The following CIP2A variants were observed in gnomAD, a reference collection of about 807,000 sequenced individuals.
CIP2A encodes protein CIP2A.
Under a neutral mutation model 110.9 loss-of-function variants are expected in CIP2A, and 103 were observed. That is an observed-to-expected ratio of 0.93 (90% CI 0.79 to 1.09). The LOEUF is 1.09. CIP2A is among the 50% of genes least tolerant of loss of function. CIP2A has a pLI of 0.00. For missense variants in CIP2A, 1,088 were observed against 1,038.4 expected (o/e 1.05, Z -0.66); for synonymous variants, 381 against 361.6 (o/e 1.05, Z -0.61).
At chr3:108,575,559 T>C (rs7614842) in intron 8 of CIP2A, among the ~76,000 whole-genome samples, 13,062 of 84,960 alleles carry the variant, frequency 0.15, 2,214 homozygotes, top group African/African-American at 0.2. Context: ...TGTGTATATA[T>C]ACGTGTATAT....
chr3:108,557,369 C>T lies in CIP2A; in HGVS notation c.2059G>A (p.Glu687Lys). Residue 687 changes from glutamate to lysine, a missense_variant, in exon 17 of 21, where the codon GAA (glutamate) becomes AAA (lysine). Glu to Lys is a moderately conservative substitution (Grantham distance 56). Coordinates refer to ENST00000295746, the MANE Select transcript of CIP2A (RefSeq NM_020890.3). ...SMLREVERKN[E>K]ELSVLLKAQQ... ...GCCTTCAGCAACACACTAAGCTCTT[C>T]ATTTTTTCTCTCAACTTCTCTCAAC... 6.2e-7 allele frequency: 1 copy of T among 1,608,534 alleles called. No individual in the cohort carries two copies.
At chr3:108,560,910 A>T in intron 13 of CIP2A, 69 bp from the exon 14 acceptor site, 2 of 1,070,628 alleles carry the variant, frequency 1.9e-6, no homozygotes, top group Admixed American at 2.8e-5. Context: ...CTTAGTGCAG[A>T]ATTAGGGAAT....
Position 108,553,638 on chromosome 3 carries a change from A to C in CIP2A, c.2407+10T>G. 1 of 1,552,948 alleles carries C rather than the reference A, an allele frequency of 6.4e-7. No individual in the cohort carries two copies. The highest frequency in any genetic ancestry group is 8.8e-7 in the Non-Finnish European group (1 of 1,134,214). ...AAAATAGAAAATGTATTAAATAAGA[A>C]GCCACTTACTTGCTAGCTTATGTTC... On this transcript the variant is annotated intron_variant, in intron 19 of 20. Transcript: ENST00000295746.
Position 108,557,248 on chromosome 3 carries a change from A to G in CIP2A, c.2180T>C (p.Leu727Pro). The G allele has an allele frequency of 6.3e-7, 1 of 1,599,698 alleles. No individual in the cohort carries two copies. Among genetic ancestry groups the G allele is most frequent in the Non-Finnish European group, 8.5e-7 (1 of 1,169,998 alleles). Residue 727 changes from leucine to proline, a missense_variant, in exon 17 of 21, where the codon CTG (leucine) becomes CCG (proline). Physicochemically the swap from Leu to Pro is moderately conservative, Grantham distance 98. Coordinates refer to ENST00000295746, the MANE Select transcript of CIP2A (RefSeq NM_020890.3). ...AAGAAGTTCCATGTAGGATTTTGTC[A>G]GTATTTCATGTTCTTCAGCCACAGA... The part of the protein sequence containing the change: ...LESVAEEHEI[L>P]TKSYMELLQR...
At position 108,564,944 on chromosome 3, in the gene CIP2A, T is replaced by C. The variant is rs566556150; in HGVS notation, c.1515+411A>G. Among the ~76,000 whole-genome samples, 23 of 151,972 alleles carry C rather than the reference T, an allele frequency of 1.5e-4. No homozygotes were observed. The South Asian group carries it at 4.4e-3, about 29-fold the overall frequency. Reference sequence around the variant, plus strand: ...GCTATTTTCTGCACAGCCCTTCTAATTATCACAATCCTTTTCTTCCAGCTG... The same window carrying C: ...GCTATTTTCTGCACAGCCCTTCTAACTATCACAATCCTTTTCTTCCAGCTG... On this transcript the variant is annotated intron_variant, in intron 12 of 20. Coordinates refer to ENST00000295746, the MANE Select transcript of CIP2A (RefSeq NM_020890.3).
Position 108,583,058 on chromosome 3 carries a change from A to T in CIP2A, c.276T>A (p.Cys92Ter), listed in dbSNP as rs1365291531. Residue 92 changes from cysteine to a stop codon, truncating the protein, a stop_gained, in exon 3 of 21, where the codon TGT becomes TGA. Transcript: ENST00000295746. LOFTEE classifies it high-confidence loss of function. The part of the protein sequence containing the change: ...QLAVDIETRD[C>*]LQNTYNLNSV... ...TATTCAGATTATATGTATTCTGAAGACAATCTCTGGTTTCAATGTCTACTG... is the reference window on the plus strand; with the variant it reads ...TATTCAGATTATATGTATTCTGAAGTCAATCTCTGGTTTCAATGTCTACTG... The T allele has an allele frequency of 6.3e-7, 1 of 1,599,492 alleles. No homozygotes were observed. Among genetic ancestry groups the T allele is most frequent in the Non-Finnish European group, 8.5e-7 (1 of 1,172,548 alleles).
intron 12 of CIP2A, among the ~76,000 whole-genome samples, chr3:108,564,152 C>T (rs912971520): frequency 2.6e-5 from 4 of 151,942 alleles, no homozygotes; most frequent in Non-Finnish European, 5.9e-5. Context: ...GTGATAAGAG[C>T]AGAGCTTTAT....
In CIP2A at chr3:108,554,468, C is replaced by A; in HGVS notation, c.2232G>T (p.Lys744Asn). ...CACATGTGATCTGTAAATCTTTATT[C>A]TTCTTTTCAGTACTTTCATTTCTGA... ...LLQRNESTEK[K>N]NKDLQITCDS... The change falls in exon 18 of 21, where the codon AAG becomes AAT. Residue 744 changes from lysine to asparagine, a missense_variant. By Grantham distance (94) the Lys-to-Asn change is moderately conservative. Transcript: ENST00000295746. The A allele has an allele frequency of 6.7e-7, 1 of 1,487,316 alleles. No homozygotes were observed. Among genetic ancestry groups the A allele is most frequent in the South Asian group, 1.2e-5 (1 of 82,990 alleles). The allele number at this position is 1,487,316 out of a possible 1,614,324, so 92.1% of individuals were successfully genotyped here.
chr3:108,580,308 T>C (rs183192552), intron 5 of CIP2A, among the ~76,000 whole-genome samples: 10 of 152,362 alleles, frequency 6.6e-5, no homozygotes, highest in Non-Finnish European at 1.2e-4. Flanking sequence ...GACAGTCATA[T>C]AGATAGCCAC....
chr3:108,585,324 TA>T, intron 1 of CIP2A, 112 bp from the exon 2 acceptor site: 1 of 975,032 alleles, frequency 1.0e-6, no homozygotes, highest in Non-Finnish European at 1.5e-6. Flanking sequence ...CTTCCCAATT[TA>T]AAAAATTCAC....
At chr3:108,588,801 C>T (rs1177826417) in intron 1 of CIP2A, among the ~76,000 whole-genome samples, 1 of 152,180 alleles carries the variant, frequency 6.6e-6, no homozygotes, top group African/African-American at 2.4e-5. Flanking sequence ...GGAAGTGCTT[C>T]TTAATGTTGA....
rs140949646 is a variant in CIP2A at position 108,583,709 on chromosome 3, T to C, written c.251-626A>G. Among the ~76,000 whole-genome samples, 797 of 152,250 alleles carry C rather than the reference T, an allele frequency of 5.2e-3. 5 individuals carry two copies. The highest frequency in any genetic ancestry group is 0.015 in the African/African-American group (623 of 41,552). ...TGGAATAAGTTCTAATGTTTGATAG[T>C]AGAGTAAGGTGACTATAGTTAACAA... On this transcript the variant is annotated intron_variant, in intron 2 of 20. Coordinates refer to ENST00000295746, the MANE Select transcript of CIP2A (RefSeq NM_020890.3).
At chr3:108,581,549 T>C (rs368991956) in intron 4 of CIP2A, 38 bp from the exon 5 acceptor site, 38 of 1,248,338 alleles carry the variant, frequency 3.0e-5, no homozygotes, top group Non-Finnish European at 3.6e-5. Flanking sequence ...AAAGAAAAAA[T>C]AGTAAAAGAA....
At chr3:108,561,996 T>C (rs2603124) in intron 13 of CIP2A, among the ~76,000 whole-genome samples, 151,714 of 152,210 alleles carry the variant, frequency 1, 75,610 homozygotes, top group Middle Eastern at 1. Flanking sequence ...AAGCAGGCCA[T>C]CACAAAATAG....
At chr3:108,561,650 T>C (rs9867641) in intron 13 of CIP2A, among the ~76,000 whole-genome samples, 2,915 of 152,170 alleles carry the variant, frequency 0.019, 102 homozygotes, top group African/African-American at 0.067. Context: ...GTCTGGGTGA[T>C]AGAGTGAGAC....
intron 1 of CIP2A, among the ~76,000 whole-genome samples, chr3:108,588,587 T>TA (rs575109229): frequency 6.6e-6 from 1 of 152,108 alleles, no homozygotes. Flanking sequence ...AATTGAGCTT[T>TA]AAAAAAATTA....
intron 19 of CIP2A, among the ~76,000 whole-genome samples, chr3:108,553,287 T>G: frequency 6.6e-6 from 1 of 151,746 alleles, no homozygotes; most frequent in Non-Finnish European, 1.5e-5. Flanking sequence ...CTAACACACC[T>G]GGCTAAATTT....
rs769850407 is a variant in CIP2A, at chr3:108,568,195, T to A, written c.1233A>T (p.Lys411Asn). Residue 411 changes from lysine (K) to asparagine (N), a missense_variant, in exon 10 of 21, where the codon AAA becomes AAT. Lys to Asn is a moderately conservative substitution (Grantham distance 94). Coordinates refer to ENST00000295746, the MANE Select transcript of CIP2A (RefSeq NM_020890.3). ...EQNLDEALTRKKCERIAKAIE... is the reference protein window; with the variant it reads ...EQNLDEALTRNKCERIAKAIE... ...TGGCCTTGGCAATCCTTTCACATTT[T>A]TTTCTTGTTAAAGCCTCATCTAGAT... is the stretch of plus-strand genomic sequence containing the variant. 6.2e-7 allele frequency: 1 copy of A among 1,612,306 alleles called. No individual in the cohort carries two copies. The highest frequency in any genetic ancestry group is 2.2e-5 in the East Asian group (1 of 44,812).
Position 108,560,850 on chromosome 3 carries a change from G to A in CIP2A, c.1635-9C>T. The stretch of plus-strand genomic sequence containing the variant: ...CTATACTTTCTCCAAGTCTGAATGG[G>A]AGTCAAAGAAAGGAAAAAAAAATTA... On this transcript the variant is annotated splice_polypyrimidine_tract_variant and intron_variant, in intron 13 of 20. Coordinates refer to ENST00000295746, the MANE Select transcript of CIP2A (RefSeq NM_020890.3). 6.6e-7 allele frequency: 1 copy of A among 1,513,840 alleles called. No homozygotes were observed. Among genetic ancestry groups the A allele is most frequent in the Non-Finnish European group, 8.9e-7 (1 of 1,129,680 alleles). 93.8% of individuals were successfully genotyped at this position (1,513,840 alleles called of 1,614,324 possible).
Sources: gnomAD v4.1 joint callset for allele counts (sites outside exome capture counted in the v4.1 genomes callset) on GRCh38, gnomAD v4.1.1 for gene constraint, MANE v1.5 for transcripts, NCBI Gene and HGNC (gene_info 2026-07-23, HGNC 2026-07-21) for gene names.